PPP2R2B: variants seen among roughly 807,000 people sequenced by gnomAD.
The protein encoded by PPP2R2B is protein phosphatase 2 regulatory subunit Bbeta.
Under a neutral mutation model 46.0 loss-of-function variants are expected in PPP2R2B, and 5 were observed. The observed-to-expected ratio is 0.11, with a 90% CI of 0.06 to 0.23. The LOEUF (loss-of-function observed/expected upper bound fraction) is 0.23. Ranked by LOEUF, PPP2R2B falls within the 10% of genes least tolerant of loss-of-function variation. PPP2R2B has a pLI of 1.00. For missense variants in PPP2R2B, 367 were observed against 575.0 expected, an observed-to-expected ratio of 0.64 and a Z score of 3.70; for synonymous variants, 215 against 206.7, an observed-to-expected ratio of 1.04 and a Z score of -0.34.
intron 1 of PPP2R2B, among the ~76,000 whole-genome samples, chr5:147,032,184 T>A (rs952124303): frequency 1.3e-5 from 2 of 151,770 alleles, no homozygotes; most frequent in Admixed American, 1.3e-4. Context: ...TACAACGAAC[T>A]CAAACAAATC....
intron 1 of PPP2R2B, among the ~76,000 whole-genome samples, chr5:146,901,801 T>C (rs1023805816): frequency 6.6e-6 from 1 of 152,084 alleles, no homozygotes; most frequent in Non-Finnish European, 1.5e-5. Context: ...AATCCAGTTA[T>C]GTAATGGTCG....
chr5:147,009,378 C>G (rs952520934), intron 1 of PPP2R2B, among the ~76,000 whole-genome samples: 4 of 152,096 alleles, frequency 2.6e-5, no homozygotes, highest in African/African-American at 9.7e-5. Flanking sequence ...CTGTAAGACA[C>G]TTTAAATCCT....
chr5:146,708,407 A>ATGTGTGTG (rs148698250), intron 2 of PPP2R2B, among the ~76,000 whole-genome samples: 1 of 138,640 alleles, frequency 7.2e-6, no homozygotes, highest in Non-Finnish European at 1.5e-5. Flanking sequence ...GTGTGTGTGT[A>ATGTGTGTG]TGTGTGTGTG....
intron 1 of PPP2R2B, among the ~76,000 whole-genome samples, chr5:147,039,943 T>C (rs1376993462): frequency 6.6e-6 from 1 of 152,104 alleles, no homozygotes; most frequent in Non-Finnish European, 1.5e-5. Flanking sequence ...CAAAGGCAAG[T>C]GGAAGAGCAG....
intron 5 of PPP2R2B, among the ~76,000 whole-genome samples, chr5:146,666,844 G>A (rs1037785583): frequency 1.5e-4 from 23 of 152,228 alleles, no homozygotes; most frequent in African/African-American, 4.3e-4. Context: ...CTTTGTAATC[G>A]TCCATATCAT....
intron 2 of PPP2R2B, among the ~76,000 whole-genome samples, chr5:146,768,110 G>A (rs745779456): frequency 3.3e-5 from 5 of 151,094 alleles, no homozygotes; most frequent in South Asian, 4.2e-4. Context: ...GTCTTACTCC[G>A]TCACCCAGGT....
At chr5:146,808,696 CAG>C (rs2307634) in intron 2 of PPP2R2B, among the ~76,000 whole-genome samples, 20,465 of 152,086 alleles carry the variant, frequency 0.13, 1,500 homozygotes, top group African/African-American at 0.17. Flanking sequence ...TCATTTCTAT[CAG>C]GGGAAAGAAA....
intron 2 of PPP2R2B, among the ~76,000 whole-genome samples, chr5:146,846,645 T>C (rs1431317619): frequency 6.6e-6 from 1 of 151,954 alleles, no homozygotes; most frequent in Non-Finnish European, 1.5e-5. Flanking sequence ...GCCACTGCAC[T>C]CGAGCCTGGG....
At chr5:146,639,885 C>T (rs1775083822) in intron 6 of PPP2R2B, among the ~76,000 whole-genome samples, 1 of 152,148 alleles carries the variant, frequency 6.6e-6, no homozygotes, top group African/African-American at 2.4e-5. Flanking sequence ...ACTGCAAATG[C>T]GTGTGCCAGG....
intron 5 of PPP2R2B, among the ~76,000 whole-genome samples, chr5:146,658,812 G>A (rs995525858): frequency 1.3e-5 from 2 of 151,998 alleles, no homozygotes; most frequent in Non-Finnish European, 2.9e-5. Context: ...AATCAAGGCC[G>A]CATAGACGCC....
intron 1 of PPP2R2B, among the ~76,000 whole-genome samples, chr5:147,010,784 C>T (rs1401960195): frequency 2.6e-5 from 4 of 152,194 alleles, no homozygotes; most frequent in Non-Finnish European, 4.4e-5. Context: ...CTGATCTAGA[C>T]TCCTCTATGT....
intron 5 of PPP2R2B, among the ~76,000 whole-genome samples, chr5:146,655,047 C>T (rs1430383630): frequency 1.3e-5 from 2 of 152,100 alleles, no homozygotes; most frequent in South Asian, 2.1e-4. Context: ...GCCCTCTGAG[C>T]GGTCAGTCCT....
At chr5:146,795,305 GATTA>G (rs1209657104) in intron 2 of PPP2R2B, among the ~76,000 whole-genome samples, 9 of 152,024 alleles carry the variant, frequency 5.9e-5, no homozygotes, top group Non-Finnish European at 1.3e-4. Flanking sequence ...TCTATCAACA[GATTA>G]ATTAATAAAG....
At position 146,878,187 on chromosome 5, in the gene PPP2R2B, G is replaced by C; in HGVS notation, c.-116C>G. The C allele has an allele frequency of 1.3e-6, 2 of 1,590,990 alleles. No homozygotes were observed. The highest frequency in any genetic ancestry group is 1.7e-6 in the Non-Finnish European group (2 of 1,168,090). Reference sequence around the variant, plus strand: ...AGGGGAGCCAGTGGGACTGCACCATGGTCCGAGCCTGAGGAGGAGACGGGG... The same window carrying C: ...AGGGGAGCCAGTGGGACTGCACCATCGTCCGAGCCTGAGGAGGAGACGGGG... On this transcript the variant is annotated 5_prime_UTR_variant, in exon 2 of 10. Transcript: ENST00000394411. The surrounding 1 kb of genome is among the most constrained non-coding windows in gnomAD (Gnocchi z 4.5).
At chr5:146,702,194 T>A (rs1199036293) in intron 2 of PPP2R2B, among the ~76,000 whole-genome samples, 1 of 152,160 alleles carries the variant, frequency 6.6e-6, no homozygotes, top group Non-Finnish European at 1.5e-5. Flanking sequence ...CCTGAGTAAT[T>A]CTGATCTCAA....
At chr5:146,942,012 G>A (rs564713100) in intron 1 of PPP2R2B, among the ~76,000 whole-genome samples, 12 of 152,172 alleles carry the variant, frequency 7.9e-5, no homozygotes, top group East Asian at 1.9e-4. Flanking sequence ...TCCGGTCTCC[G>A]CCTCCCCAGT....
intron 2 of PPP2R2B, among the ~76,000 whole-genome samples, chr5:146,848,431 C>T (rs1760138088): frequency 6.6e-6 from 1 of 152,062 alleles, no homozygotes; most frequent in Non-Finnish European, 1.5e-5. Context: ...TCCTCAGGCT[C>T]CTTGAGGCTG....
chr5:146,908,629 T>C (rs1229676866), intron 1 of PPP2R2B, among the ~76,000 whole-genome samples: 2 of 151,726 alleles, frequency 1.3e-5, no homozygotes, highest in Non-Finnish European at 2.9e-5. Context: ...AAGGCTCACA[T>C]CATTGTTTTC....
At chr5:147,059,304 C>T (rs972280129), upstream of PPP2R2B, among the ~76,000 whole-genome samples, 1 of 152,038 alleles carries the variant, frequency 6.6e-6, no homozygotes, top group Non-Finnish European at 1.5e-5. Flanking sequence ...CATGCTTTTG[C>T]ATTAGGCATT....
Sources: allele counts gnomAD v4.1 joint callset (sites outside exome capture counted in the v4.1 genomes callset), GRCh38; gene constraint gnomAD v4.1.1; non-coding constraint Gnocchi (gnomAD v3.1); transcripts MANE v1.5; gene names NCBI Gene and HGNC (gene_info 2026-07-23, HGNC 2026-07-21).